The following PCMTD1 variants were observed in gnomAD, a reference collection of about 807,000 sequenced individuals.
The protein encoded by PCMTD1 is protein-L-isoaspartate O-methyltransferase domain-containing protein 1.
In PCMTD1, 12 loss-of-function variants were observed where a neutral mutation model predicts 37.6. The observed-to-expected ratio is 0.32, with a 90% confidence interval of 0.20 to 0.52. The LOEUF (loss-of-function observed/expected upper bound fraction) is 0.52. Among genes scored for constraint, PCMTD1 ranks in the 20% least tolerant of loss-of-function variants. The pLI is 0.97. For missense variants in PCMTD1, 235 were observed against 421.3 expected (o/e 0.56, Z 3.87); for synonymous variants, 117 against 135.8 (o/e 0.86, Z 0.96).
chr8:51,875,964 G>GTA (rs1463839796), intron 1 of PCMTD1, among the ~76,000 whole-genome samples: 1 of 151,032 alleles, frequency 6.6e-6, no homozygotes, highest in Non-Finnish European at 1.5e-5. Context: ...GTGTGTGTCT[G>GTA]TGTGTGTGTG....
chr8:51,895,966 GAC>G (rs1185948395), intron 1 of PCMTD1: 1 of 98,670 alleles, frequency 1.0e-5, no homozygotes, highest in Non-Finnish European at 1.8e-5. Context: ...TTTTTTTTGA[GAC>G]AGAGTCTCAC....
intron 1 of PCMTD1, chr8:51,870,290 C>T (rs2038619938): frequency 6.6e-6 from 1 of 152,210 alleles, no homozygotes; most frequent in Non-Finnish European, 1.5e-5. Context: ...ACAAAGAATG[C>T]TCCTCATGTC....
At chr8:51,880,040 A>C (rs2038770255) in intron 1 of PCMTD1, among the ~76,000 whole-genome samples, 1 of 151,972 alleles carries the variant, frequency 6.6e-6, no homozygotes, top group African/African-American at 2.4e-5. Context: ...AAAAGTTTAA[A>C]AAAAAAAATA....
chr8:51,897,345 C>T lies in PCMTD1; in HGVS notation c.-96+1585G>A, dbSNP rs2039018793. Among the ~76,000 whole-genome samples the T allele has an allele frequency of 2.0e-5, 3 of 152,178 alleles. 1 individual carries two copies. In the South Asian group the frequency reaches 6.2e-4, roughly 32 times the overall value. ...TCCACTTCCAGTTTACTCCCTATAG[C>T]TTACTTACCAAAATATTTAATCCCT... On this transcript the variant is annotated intron_variant, in intron 1 of 5. Transcript: ENST00000522514.
At chr8:51,878,250 G>GTTTTTTTTTTTTTTTTTTTTTTTT (rs375362623) in intron 1 of PCMTD1, among the ~76,000 whole-genome samples, 2 of 139,170 alleles carry the variant, frequency 1.4e-5, no homozygotes, top group Non-Finnish European at 1.5e-5. Flanking sequence ...TTTTTTTTTG[G>GTTTTTTTTTTTTTTTTTTTTTTTT]TTTTTTTTTT....
At chr8:51,825,700 C>CAA (rs1221587696) in intron 5 of PCMTD1, among the ~76,000 whole-genome samples, 119 of 6,922 alleles carry the variant, frequency 0.017, 13 homozygotes, top group African/African-American at 0.021. Flanking sequence ...GACTCCGTCT[C>CAA]AAAAAAAAAA....
rs866722777 is a variant in PCMTD1 at position 51,876,136 on chromosome 8, A to G, written c.-95-14890T>C. 1.2e-4 allele frequency among the ~76,000 whole-genome samples: 17 copies of G among 143,044 alleles called. No homozygotes were observed. In the South Asian group the frequency reaches 2.8e-3, roughly 23 times the overall value. 93.8% of individuals were successfully genotyped at this position (143,044 alleles called of 152,430 possible). ...CTACTTAATCCTTCCATAAACAAACATATTACCATTTCAAGAAACATTAGT... is the reference window on the plus strand; with the variant it reads ...CTACTTAATCCTTCCATAAACAAACGTATTACCATTTCAAGAAACATTAGT... On this transcript the variant is annotated intron_variant, in intron 1 of 5. Transcript: ENST00000522514.
intron 1 of PCMTD1, among the ~76,000 whole-genome samples, chr8:51,882,224 C>T (rs910737627): frequency 3.9e-5 from 6 of 152,222 alleles, no homozygotes; most frequent in Non-Finnish European, 5.9e-5. Flanking sequence ...GCTGTGTTCT[C>T]ACATGACCTC....
At chr8:51,847,668 C>T (rs1271739524) in intron 2 of PCMTD1, among the ~76,000 whole-genome samples, 4 of 152,112 alleles carry the variant, frequency 2.6e-5, no homozygotes, top group Non-Finnish European at 5.9e-5. Context: ...ACTTACTTAA[C>T]ATTATGTACA....
At chr8:51,888,124 G>C (rs763422358) in intron 1 of PCMTD1, among the ~76,000 whole-genome samples, 1 of 152,162 alleles carries the variant, frequency 6.6e-6, no homozygotes, top group Non-Finnish European at 1.5e-5. Flanking sequence ...ACTGTTTAGA[G>C]TTCATTCCTA....
At chr8:51,868,232 CTTAT>C (rs2038588468) in intron 1 of PCMTD1, among the ~76,000 whole-genome samples, 1 of 152,022 alleles carries the variant, frequency 6.6e-6, no homozygotes, top group Non-Finnish European at 1.5e-5. Context: ...AACATAATTC[CTTAT>C]TTAGTTTTAA....
chr8:51,845,664 T>C lies in PCMTD1; in HGVS notation c.407A>G (p.Asp136Gly). 6.2e-7 allele frequency: 1 copy of C among 1,607,138 alleles called. No homozygotes were observed. The change falls in exon 3 of 6, where the codon GAT becomes GGT. Residue 136 changes from aspartate to glycine, a missense_variant. Asp to Gly is a moderately conservative substitution (Grantham distance 94). This residue lies in a region of PCMTD1 where 183 missense variants were observed against 349.3 expected (regional missense o/e 0.52). Transcript: ENST00000522514. ...ESFIKNSDSFDKFEFCEPAFV... is the reference protein window; with the variant it reads ...ESFIKNSDSFGKFEFCEPAFV... ...AACTATAGATATGAATACTTACTTA[T>C]CAAAGCTATCACTATTTTTGATGAA...
intron 3 of PCMTD1, among the ~76,000 whole-genome samples, chr8:51,842,266 CTTTTT>C (rs945683837): frequency 2.0e-5 from 3 of 151,884 alleles, no homozygotes; most frequent in Admixed American, 6.6e-5. Flanking sequence ...ACTTACAATA[CTTTTT>C]TTTAAAGAAA....
intron 1 of PCMTD1, among the ~76,000 whole-genome samples, chr8:51,897,935 T>C (rs1381143247): frequency 6.6e-6 from 1 of 151,870 alleles, no homozygotes; most frequent in African/African-American, 2.4e-5. Flanking sequence ...ACTCATTAAA[T>C]GCACAGAAAA....
chr8:51,863,395 T>C (rs2038503351), intron 1 of PCMTD1, among the ~76,000 whole-genome samples: 2 of 152,142 alleles, frequency 1.3e-5, no homozygotes, highest in Non-Finnish European at 2.9e-5. Flanking sequence ...ACATTTTTGG[T>C]GAGAAAAAGG....
At chr8:51,853,476 A>G (rs1003112756) in intron 2 of PCMTD1, among the ~76,000 whole-genome samples, 6 of 152,208 alleles carry the variant, frequency 3.9e-5, no homozygotes, top group African/African-American at 1.4e-4. Context: ...AAATTCAGAA[A>G]GGTTTAGTAC....
intron 1 of PCMTD1, among the ~76,000 whole-genome samples, chr8:51,880,401 C>T (rs1585849454): frequency 6.6e-6 from 1 of 152,114 alleles, no homozygotes; most frequent in Admixed American, 6.5e-5. Context: ...TATAGGAAAA[C>T]ATGTTTTGTA....
At chr8:51,845,855 G>A in intron 2 of PCMTD1, 92 bp from the exon 3 acceptor site, 4 of 782,058 alleles carry the variant, frequency 5.1e-6, no homozygotes. Flanking sequence ...CATCACAGGA[G>A]TATTTAAAGA....
At chr8:51,840,849 T>C (rs1276445392) in intron 3 of PCMTD1, among the ~76,000 whole-genome samples, 2 of 152,172 alleles carry the variant, frequency 1.3e-5, no homozygotes, top group Non-Finnish European at 2.9e-5. Flanking sequence ...TAAAAATTCA[T>C]GCCATAGGCA....
Sources: gnomAD v4.1 joint callset for allele counts (sites outside exome capture counted in the v4.1 genomes callset) on GRCh38, gnomAD v4.1.1 for gene constraint, gnomAD v4.1.1 regional missense constraint, MANE v1.5 for transcripts, NCBI Gene and HGNC (gene_info 2026-07-23, HGNC 2026-07-21) for gene names.